The following CNTRL variants were observed in gnomAD, a reference collection of about 807,000 sequenced individuals.
The protein encoded by CNTRL is 110 kDa centrosomal protein.
In CNTRL, 233 loss-of-function variants were observed where a neutral mutation model predicts 303.7. The ratio of observed to expected loss-of-function variants is 0.77; its 90% CI spans 0.69 to 0.86. CNTRL has a LOEUF of 0.86. Ranked by LOEUF, CNTRL falls within the 40% of genes least tolerant of loss-of-function variation. The pLI, the probability that CNTRL is intolerant of heterozygous loss-of-function variation, is 0.00. For synonymous variants in CNTRL, 900 were observed against 922.2 expected (o/e 0.98, Z 0.44); for missense variants, 2,524 against 2,650.6 (o/e 0.95, Z 1.05).
chr9:121,160,258 A>G lies in CNTRL; in HGVS notation c.5045A>G (p.Glu1682Gly). 6.4e-7 allele frequency: 1 copy of G among 1,557,964 alleles called. No homozygotes were observed. Among genetic ancestry groups the G allele is most frequent in the Non-Finnish European group, 8.6e-7 (1 of 1,158,346 alleles). Residue 1682 changes from glutamate (E) to glycine (G), a missense_variant, in exon 32 of 44, where the codon GAA becomes GGA. Glu to Gly is a moderately conservative substitution (Grantham distance 98). Transcript: ENST00000373855. Reference protein sequence around the residue: ...LIKQEIEKEEENLQVVLRQMS... With the variant: ...LIKQEIEKEEGNLQVVLRQMS... Reference sequence around the variant, plus strand: ...AAGCAGGAAATTGAAAAAGAGGAAGAAAATCTTCAGGTTGTTTTAAGGCAG... The same window carrying G: ...AAGCAGGAAATTGAAAAAGAGGAAGGAAATCTTCAGGTTGTTTTAAGGCAG...
In CNTRL at chr9:121,135,913, G is replaced by A; in HGVS notation, c.2133G>A (p.Arg711=). ...LSAYEAELEA[R]LNLRDAEANQ... ...CCTATGAAGCTGAGCTAGAGGCTCGGCTAAACCTAAGGGATGCTGAAGCCA... is the reference window on the plus strand; with the variant it reads ...CCTATGAAGCTGAGCTAGAGGCTCGACTAAACCTAAGGGATGCTGAAGCCA... The change falls in exon 15 of 44, where the codon CGG becomes CGA. Residue 711 remains arginine, a synonymous_variant. Coordinates refer to ENST00000373855, the MANE Select transcript of CNTRL (RefSeq NM_007018.6). 6.2e-7 allele frequency: 1 copy of A among 1,613,938 alleles called. No individual in the cohort carries two copies. The highest frequency in any genetic ancestry group is 8.5e-7 in the Non-Finnish European group (1 of 1,179,880).
rs768797672 is a variant in CNTRL at position 121,144,013 on chromosome 9, C to T, written c.2982C>T (p.Leu994=). 12 of 1,613,992 alleles carry T rather than the reference C, an allele frequency of 7.4e-6. No homozygotes were observed. Among genetic ancestry groups the T allele is most frequent in the Non-Finnish European group, 1.0e-5 (12 of 1,179,894 alleles). Residue 994 remains leucine, a synonymous_variant, in exon 20 of 44, where the codon CTC becomes CTT. Transcript: ENST00000373855. ...ATSDKLATAE[L]TIAKDQLKSL... is the part of the protein sequence containing the mutation. Reference sequence around the variant, plus strand: ...CTGATAAGCTAGCCACAGCTGAGCTCACCATTGCCAAAGACCAGCTGAAGT... The same window carrying T: ...CTGATAAGCTAGCCACAGCTGAGCTTACCATTGCCAAAGACCAGCTGAAGT...
In CNTRL at chr9:121,175,192, C is replaced by G; in HGVS notation, c.6922C>G (p.Leu2308Val). ...CAGTCTGTCTCAGCTGGAGTCTTCCCTCACAGAGGACTCTCAACTTGGACA... is the reference window on the plus strand; with the variant it reads ...CAGTCTGTCTCAGCTGGAGTCTTCCGTCACAGAGGACTCTCAACTTGGACA... The part of the protein sequence containing the change: ...SPSLSQLESS[L>V]TEDSQLGQNQ... Residue 2308 changes from leucine to valine, a missense_variant, in exon 43 of 44, where the codon CTC becomes GTC. Transcript: ENST00000373855. The G allele has an allele frequency of 6.2e-7, 1 of 1,614,132 alleles. No individual in the cohort carries two copies. Among genetic ancestry groups the G allele is most frequent in the Non-Finnish European group, 8.5e-7 (1 of 1,180,030 alleles).
intron 3 of CNTRL, among the ~76,000 whole-genome samples, chr9:121,088,819 A>T (rs925867046): frequency 3.3e-5 from 5 of 152,210 alleles, no homozygotes; most frequent in Non-Finnish European, 7.3e-5. Context: ...AAAACTTGCC[A>T]TCCTCTTTGG....
intron 19 of CNTRL, among the ~76,000 whole-genome samples, chr9:121,143,120 G>A (rs765955963): frequency 2.0e-4 from 30 of 152,068 alleles, no homozygotes; most frequent in Non-Finnish European, 3.8e-4. Context: ...TCTGTGGTGA[G>A]CTTCCTCTCC....
intron 40 of CNTRL, among the ~76,000 whole-genome samples, chr9:121,172,544 G>C (rs1022832792): frequency 1.3e-5 from 2 of 152,138 alleles, no homozygotes; most frequent in South Asian, 2.1e-4. Flanking sequence ...GGGAGGCTGA[G>C]GGGGGAGGAT....
intron 17 of CNTRL, 101 bp downstream of exon 17, chr9:121,140,887 A>C: frequency 8.4e-7 from 1 of 1,184,364 alleles, no homozygotes; most frequent in South Asian, 2.0e-5. Flanking sequence ...AGTTCTGTTA[A>C]TGGCAAATTT....
chr9:121,119,297 TTCTC>T (rs541809135), intron 12 of CNTRL, among the ~76,000 whole-genome samples: 30 of 150,874 alleles, frequency 2.0e-4, no homozygotes, highest in Middle Eastern at 3.4e-3. Flanking sequence ...TCATCTTTCT[TTCTC>T]TCTCTCTCTC....
At chr9:121,150,029 C>T (rs1564276947) in intron 24 of CNTRL, 141 bp from the exon 25 acceptor site, 1 of 567,350 alleles carries the variant, frequency 1.8e-6, no homozygotes, top group East Asian at 3.1e-5. Context: ...ATAGTTTTGA[C>T]CTTTTTTTCA....
In CNTRL at chr9:121,145,352, A is replaced by G. The variant is rs1346350602; in HGVS notation, c.3277A>G (p.Arg1093Gly). 1.2e-6 allele frequency: 2 copies of G among 1,613,842 alleles called. No homozygotes were observed. The highest frequency in any genetic ancestry group is 1.7e-6 in the Non-Finnish European group (2 of 1,179,956). ...TMERQRTEIARLQNVLDLTGS... is the reference protein window; with the variant it reads ...TMERQRTEIAGLQNVLDLTGS... ...GGAACGACAAAGGACAGAGATTGCA[A>G]GGCTGCAGAATGTACTAGACCTCAC... The change falls in exon 22 of 44, where the codon AGG (arginine) becomes GGG (glycine). Residue 1093 changes from arginine (R) to glycine (G), a missense_variant. Transcript: ENST00000373855.
rs758531867 is a variant in CNTRL at position 121,164,986 on chromosome 9, A to G, written c.5467A>G (p.Asn1823Asp). 6.2e-6 allele frequency: 10 copies of G among 1,613,098 alleles called. No individual in the cohort carries two copies. The highest frequency in any genetic ancestry group is 7.6e-6 in the Non-Finnish European group (9 of 1,179,742). ...AGAAAATAGCAAAATGGAGCAATCAAACTTAGAAAAGTTGGAATTGAATGT... is the reference window on the plus strand; with the variant it reads ...AGAAAATAGCAAAATGGAGCAATCAGACTTAGAAAAGTTGGAATTGAATGT... ...AEENSKMEQS[N>D]LEKLELNVRK... Residue 1823 changes from asparagine to aspartate, a missense_variant, in exon 35 of 44, where the codon AAC (asparagine) becomes GAC (aspartate). Asn to Asp is a conservative substitution (Grantham distance 23). Coordinates refer to ENST00000373855, the MANE Select transcript of CNTRL (RefSeq NM_007018.6).
intron 7 of CNTRL, among the ~76,000 whole-genome samples, 193 bp downstream of exon 7, chr9:121,098,765 C>A (rs1307988608): frequency 4.7e-5 from 7 of 148,990 alleles, no homozygotes; most frequent in African/African-American, 1.7e-4. Context: ...ACTAAGGATA[C>A]AATGGGAAGG....
In CNTRL at chr9:121,162,144, C is replaced by T. The variant is rs1227114094; in HGVS notation, c.5296C>T (p.Arg1766Ter). ...WQKQLLERDKREIERMTAESR... is the reference protein window; with the variant it reads ...WQKQLLERDK ...GAAGCAGCTCCTTGAGAGGGATAAACGAGAAATAGAACGAATGACTGCTGA... is the reference window on the plus strand; with the variant it reads ...GAAGCAGCTCCTTGAGAGGGATAAATGAGAAATAGAACGAATGACTGCTGA... The change falls in exon 34 of 44, where the codon CGA becomes TGA. Residue 1766 changes from arginine to a stop codon, truncating the protein, a stop_gained. Coordinates refer to ENST00000373855, the MANE Select transcript of CNTRL (RefSeq NM_007018.6). LOFTEE classifies it high-confidence loss of function. The T allele has an allele frequency of 1.5e-5, 24 of 1,614,046 alleles. 1 individual carries two copies. Among genetic ancestry groups the T allele is most frequent in the South Asian group, 4.4e-5 (4 of 91,090 alleles).
Position 121,092,486 on chromosome 9 carries a change from A to T in CNTRL, c.348+2081A>T, listed in dbSNP as rs867868378. Among the ~76,000 whole-genome samples the T allele has an allele frequency of 4.2e-5, 4 of 94,784 alleles. 1 individual carries two copies. The highest frequency in any genetic ancestry group is 8.1e-5 in the Non-Finnish European group (4 of 49,430). 62.2% of individuals were successfully genotyped at this position (94,784 alleles called of 152,430 possible). On this transcript the variant is annotated intron_variant, in intron 4 of 43. Coordinates refer to ENST00000373855, the MANE Select transcript of CNTRL (RefSeq NM_007018.6). The stretch of plus-strand genomic sequence containing the variant: ...ATATATAATATATATCTATATATAT[A>T]ATATATATCTATATATATAATATAT...
intron 43 of CNTRL, among the ~76,000 whole-genome samples, chr9:121,176,756 G>A (rs1480146660): frequency 6.6e-6 from 1 of 152,290 alleles, no homozygotes; most frequent in African/African-American, 2.4e-5. Flanking sequence ...AAAGTTAGGG[G>A]GCTGGCTTCT....
At chr9:121,093,179 T>C (rs1456822140) in intron 4 of CNTRL, among the ~76,000 whole-genome samples, 2 of 152,156 alleles carry the variant, frequency 1.3e-5, no homozygotes, top group Admixed American at 6.5e-5. Flanking sequence ...CACTACTTTG[T>C]TTCCAGTACC....
chr9:121,123,669 A>G (rs1233122945), intron 12 of CNTRL, among the ~76,000 whole-genome samples: 1 of 152,136 alleles, frequency 6.6e-6, no homozygotes, highest in Non-Finnish European at 1.5e-5. Flanking sequence ...ACACTGACCT[A>G]CCTAGCTGTG....
intron 42 of CNTRL, among the ~76,000 whole-genome samples, chr9:121,174,089 G>A (rs1031540234): frequency 7.5e-4 from 114 of 152,202 alleles, no homozygotes; most frequent in Admixed American, 4.3e-3. Flanking sequence ...TTGGGATACT[G>A]GAAAAGTAGG....
chr9:121,099,654 G>T (rs2049050671), intron 7 of CNTRL, among the ~76,000 whole-genome samples: 1 of 152,114 alleles, frequency 6.6e-6, no homozygotes, highest in South Asian at 2.1e-4. Flanking sequence ...GAAAGTAAAA[G>T]CCTTGAAAAA....
Sources: gnomAD v4.1 joint callset for allele counts (sites outside exome capture counted in the v4.1 genomes callset) on GRCh38, gnomAD v4.1.1 for gene constraint, MANE v1.5 for transcripts, NCBI Gene and HGNC (gene_info 2026-07-23, HGNC 2026-07-21) for gene names.